IMPA1: variants seen among roughly 807,000 people sequenced by gnomAD.
The protein encoded by IMPA1 is inositol monophosphatase 1, also known as D-galactose 1-phosphate phosphatase.
Under a neutral mutation model 34.9 loss-of-function variants are expected in IMPA1, and 21 were observed. The observed-to-expected ratio is 0.60, with a 90% CI of 0.43 to 0.87. IMPA1 has a LOEUF of 0.87. Among genes scored for constraint, IMPA1 ranks in the 40% least tolerant of loss-of-function variants. The pLI, the probability that IMPA1 is intolerant of heterozygous loss-of-function variation, is 0.00. For synonymous variants in IMPA1, 95 were observed against 104.4 expected, an observed-to-expected ratio of 0.91 and a Z score of 0.55; for missense variants, 299 against 336.4, an observed-to-expected ratio of 0.89 and a Z score of 0.87.
At chr8:81,685,825 C>G (rs1185816650) in intron 1 of IMPA1, 2 of 1,551,052 alleles carry the variant, frequency 1.3e-6, no homozygotes, top group South Asian at 2.4e-5. Flanking sequence ...CTGGTCACAG[C>G]CTTCCAGCGT....
At chr8:81,676,335 T>TAAAATTAAC (rs1436252511) in intron 4 of IMPA1, 56 bp from the exon 5 acceptor site, 36 of 864,158 alleles carry the variant, frequency 4.2e-5, no homozygotes, top group Non-Finnish European at 6.3e-5. Flanking sequence ...CTTTTGTTAA[T>TAAAATTAAC]AAAATTAATC....
intron 7 of IMPA1, among the ~76,000 whole-genome samples, chr8:81,661,330 G>C (rs74980043): frequency 0.051 from 7,757 of 152,260 alleles, 220 homozygotes; most frequent in Middle Eastern, 0.14. Flanking sequence ...CTCTCCACAA[G>C]ATACATAATA....
chr8:81,680,853 G>T, intron 2 of IMPA1, 70 bp from the exon 3 acceptor site: 1 of 1,122,030 alleles, frequency 8.9e-7, no homozygotes. Context: ...TACATAAATG[G>T]TTTAAGACAT....
At chr8:81,672,242 G>C (rs1004133578) in intron 6 of IMPA1, among the ~76,000 whole-genome samples, 10 of 152,200 alleles carry the variant, frequency 6.6e-5, no homozygotes, top group African/African-American at 2.4e-4. Context: ...GAAAATGTTT[G>C]GTGTGGTTTA....
At chr8:81,683,311 T>C (rs1585905299) in intron 1 of IMPA1, among the ~76,000 whole-genome samples, 1 of 151,788 alleles carries the variant, frequency 6.6e-6, no homozygotes, top group African/African-American at 2.4e-5. Context: ...AACAGAAGGG[T>C]AGAAAGTGGG....
intron 1 of IMPA1, among the ~76,000 whole-genome samples, chr8:81,685,226 A>G (rs1807469588): frequency 8.0e-6 from 1 of 125,668 alleles, no homozygotes; most frequent in African/African-American, 3.2e-5. Flanking sequence ...ACTATACATA[A>G]GTATATTTAG....
intron 8 of IMPA1, 76 bp from the exon 9 acceptor site, chr8:81,659,542 T>C (rs1392082897): frequency 1.8e-5 from 14 of 776,576 alleles, no homozygotes; most frequent in Admixed American, 1.4e-4. Context: ...TAGCAATATG[T>C]ACTATGGTCA....
rs1264730698 is a variant in IMPA1, at chr8:81,658,508, A to G, written c.*843T>C. ...ATGTTATATTGTATCTAATTATGTC[A>G]GATATCTGATGAGAGTGCTTTTTAT... On this transcript the variant is annotated 3_prime_UTR_variant, in exon 9 of 9. Coordinates refer to ENST00000256108, the MANE Select transcript of IMPA1 (RefSeq NM_005536.4). 1 of 152,600 alleles carries G rather than the reference A, an allele frequency of 6.6e-6. No individual in the cohort carries two copies. The highest frequency in any genetic ancestry group is 1.5e-5 in the Non-Finnish European group (1 of 68,024). The allele number at this position is 152,600 out of a possible 1,614,324, so 9.5% of individuals were successfully genotyped here. A position where few individuals can be genotyped will look rare whatever the true frequency, so the allele number is the denominator to read the frequency against.
chr8:81,676,367 T>A (rs1807130122), intron 4 of IMPA1, 88 bp from the exon 5 acceptor site: 1 of 623,434 alleles, frequency 1.6e-6, no homozygotes, highest in East Asian at 3.3e-5. Flanking sequence ...TAAGTGTTCT[T>A]AAAATTTTTC....
In IMPA1 at chr8:81,684,554, G is replaced by GATATTATGTGTAGTATAT. The variant is rs1807422895; in HGVS notation, c.-25+1697_-25+1698insATATACTACACATAATAT. On this transcript the variant is annotated intron_variant, in intron 1 of 8. Coordinates refer to ENST00000256108, the MANE Select transcript of IMPA1 (RefSeq NM_005536.4). ...TATATACTACACATAAGTATCTTTA[G>GATATTATGTGTAGTATAT]ATACTAATGTGTAGTATATATACTA... is the stretch of plus-strand genomic sequence containing the variant. Among the ~76,000 whole-genome samples, 2 of 109,538 alleles carry GATATTATGTGTAGTATAT rather than the reference G, an allele frequency of 1.8e-5. 1 individual carries two copies. Among genetic ancestry groups the GATATTATGTGTAGTATAT allele is most frequent in the Non-Finnish European group, 3.7e-5 (2 of 54,712 alleles). 71.9% of individuals were successfully genotyped at this position (109,538 alleles called of 152,430 possible).
chr8:81,668,515 C>T (rs1202809666), intron 7 of IMPA1, among the ~76,000 whole-genome samples: 7 of 152,122 alleles, frequency 4.6e-5, no homozygotes, highest in African/African-American at 9.7e-5. Context: ...ACTGCTTGAG[C>T]CCAGGAGGTT....
chr8:81,684,634 T>TCTTTAG, intron 1 of IMPA1, among the ~76,000 whole-genome samples: 1 of 143,278 alleles, frequency 7.0e-6, no homozygotes, highest in African/African-American at 2.6e-5. Flanking sequence ...CACATAAGTA[T>TCTTTAG]ATATACTACA....
intron 1 of IMPA1, among the ~76,000 whole-genome samples, chr8:81,683,609 G>C (rs998635957): frequency 1.3e-5 from 2 of 152,174 alleles, no homozygotes; most frequent in African/African-American, 2.4e-5. Context: ...TTGGGATATA[G>C]GTAGGAGTTT....
At chr8:81,661,624 G>A (rs1043678700) in intron 7 of IMPA1, among the ~76,000 whole-genome samples, 4 of 152,214 alleles carry the variant, frequency 2.6e-5, no homozygotes, top group Admixed American at 6.5e-5. Context: ...CTAAATTAAA[G>A]GAAATTGATG....
intron 1 of IMPA1, among the ~76,000 whole-genome samples, chr8:81,683,131 G>A (rs1428416203): frequency 6.6e-6 from 1 of 152,186 alleles, no homozygotes; most frequent in Non-Finnish European, 1.5e-5. Flanking sequence ...ATCAACTGCA[G>A]GATGCCTGGT....
intron 7 of IMPA1, among the ~76,000 whole-genome samples, chr8:81,666,832 T>C (rs900824435): frequency 7.3e-5 from 9 of 123,986 alleles, no homozygotes; most frequent in Admixed American, 2.1e-4. Context: ...ATTGTGCCAC[T>C]GCACTCCAGC....
intron 1 of IMPA1, among the ~76,000 whole-genome samples, chr8:81,685,142 T>C (rs1807464750): frequency 7.4e-6 from 1 of 134,870 alleles, no homozygotes; most frequent in Non-Finnish European, 1.5e-5. Flanking sequence ...ATACTATATA[T>C]AGTATATATA....
chr8:81,676,406 C>T (rs904477351), intron 4 of IMPA1, 127 bp from the exon 5 acceptor site: 11 of 475,160 alleles, frequency 2.3e-5, no homozygotes, highest in African/African-American at 2.2e-4. Flanking sequence ...CCACTCCCCA[C>T]AAAATCTAAG....
At chr8:81,677,499 T>C (rs891308807) in intron 4 of IMPA1, among the ~76,000 whole-genome samples, 1 of 152,228 alleles carries the variant, frequency 6.6e-6, no homozygotes, top group Non-Finnish European at 1.5e-5. Context: ...AACTTTAGGC[T>C]TGGCCTCTGA....
Sources: allele counts gnomAD v4.1 joint callset (sites outside exome capture counted in the v4.1 genomes callset), GRCh38; gene constraint gnomAD v4.1.1; transcripts MANE v1.5; gene names NCBI Gene and HGNC (gene_info 2026-07-23, HGNC 2026-07-21).